AAMDC: variants seen among roughly 807,000 people sequenced by gnomAD.
AAMDC encodes mth938 domain-containing protein.
A neutral mutation model predicts 15.5 loss-of-function variants in AAMDC; 16 were observed. That is an observed-to-expected ratio of 1.03 (90% confidence interval 0.70 to 1.57). The LOEUF (loss-of-function observed/expected upper bound fraction) is 1.57. Ranked by LOEUF, AAMDC falls within the 40% of genes most tolerant of loss-of-function variation. The probability of loss-of-function intolerance (pLI) is 0.00; values close to 1 mark genes in which losing one functional copy is unlikely to be tolerated. For missense variants in AAMDC, 141 were observed against 144.9 expected (o/e 0.97, Z 0.14); for synonymous variants, 51 against 51.6 (o/e 0.99, Z 0.05).
At chr11:77,903,142 C>G (rs1460919899), downstream of AAMDC, among the ~76,000 whole-genome samples, 2 of 152,220 alleles carry the variant, frequency 1.3e-5, no homozygotes, top group Non-Finnish European at 2.9e-5. Flanking sequence ...CTCAGCAAAT[C>G]AGAGGAAGAC....
At chr11:77,838,176 G>A (rs1949771231) in intron 1 of AAMDC, among the ~76,000 whole-genome samples, 1 of 152,068 alleles carries the variant, frequency 6.6e-6, no homozygotes, top group Non-Finnish European at 1.5e-5. Context: ...ATTAAATATG[G>A]TTAAGGAGAC....
intron 1 of AAMDC, chr11:77,829,699 A>T (rs1049087928): frequency 2.0e-5 from 3 of 152,236 alleles, no homozygotes; most frequent in Non-Finnish European, 4.4e-5. Context: ...ATGGCAATGG[A>T]TTCTTAGAAA....
chr11:77,825,431 G>A (rs1056172737), intron 1 of AAMDC, among the ~76,000 whole-genome samples: 4 of 152,118 alleles, frequency 2.6e-5, no homozygotes, highest in East Asian at 1.9e-4. Flanking sequence ...AACAAGCTGC[G>A]CACGGTGGTT....
chr11:77,843,122 T>G (rs1950003265), intron 2 of AAMDC, among the ~76,000 whole-genome samples: 1 of 152,240 alleles, frequency 6.6e-6, no homozygotes, highest in Non-Finnish European at 1.5e-5. Flanking sequence ...TGCACCATTT[T>G]ACATCTCCAC....
At chr11:77,858,175 T>A (rs1950710204) in intron 2 of AAMDC, among the ~76,000 whole-genome samples, 1 of 146,088 alleles carries the variant, frequency 6.8e-6, no homozygotes, top group South Asian at 2.1e-4. Context: ...TGTGCCACCA[T>A]GCCTGGCTAA....
rs1257028118 is a variant in AAMDC, at chr11:77,872,157, T to C, written c.229-18T>C. ...GGGCCTTTCCCCCTACTTACTCATC[T>C]CTTTTCCACCTTCCCAGGTGCCTTC... On this transcript the variant is annotated intron_variant, in intron 3 of 3. Transcript: ENST00000393427. 2 of 1,608,106 alleles carry C rather than the reference T, an allele frequency of 1.2e-6. No individual in the cohort carries two copies. Among genetic ancestry groups the C allele is most frequent in the African/African-American group, 2.7e-5 (2 of 74,718 alleles).
At position 77,842,494 on chromosome 11, in the gene AAMDC, C is replaced by CTTA. The variant is rs768182464; in HGVS notation, c.-1_2dup. On this transcript the variant is annotated 5_prime_UTR_variant, in exon 2 of 4. Coordinates refer to ENST00000393427, the MANE Select transcript of AAMDC (RefSeq NM_024684.4). ...TTAATTTCAGACTTCAGTGAAGTTC[C>CTTA]TTATGACTTCCCCTGAAATTGCTTC... The CTTA allele has an allele frequency of 3.1e-6, 5 of 1,613,184 alleles. No individual in the cohort carries two copies. In the East Asian group the frequency reaches 1.1e-4, roughly 36 times the overall value.
chr11:77,839,217 C>A (rs1393905039), intron 1 of AAMDC, among the ~76,000 whole-genome samples: 1 of 152,088 alleles, frequency 6.6e-6, no homozygotes, highest in Non-Finnish European at 1.5e-5. Context: ...TTGCTCACTG[C>A]AGCCTCAAAC....
intron 5 of AAMDC, chr11:77,879,111 T>G: frequency 6.2e-7 from 1 of 1,614,132 alleles, no homozygotes; most frequent in Middle Eastern, 1.6e-4. Flanking sequence ...GCAGCCTCAC[T>G]TCCACCTGGC....
At chr11:77,897,591 C>T (rs1261040920) in intron 5 of AAMDC, among the ~76,000 whole-genome samples, 1 of 150,796 alleles carries the variant, frequency 6.6e-6, no homozygotes, top group Admixed American at 6.6e-5. Context: ...AGCTCCACCT[C>T]CTGGGTTCAT....
chr11:77,891,469 G>A (rs1952262301), intron 5 of AAMDC: 1 of 1,613,624 alleles, frequency 6.2e-7, no homozygotes, highest in Non-Finnish European at 8.5e-7. Flanking sequence ...GGATCTGTAA[G>A]CAAGAGGAAA....
At chr11:77,881,284 T>C (rs1951782536) in intron 5 of AAMDC, among the ~76,000 whole-genome samples, 1 of 152,190 alleles carries the variant, frequency 6.6e-6, no homozygotes, top group Non-Finnish European at 1.5e-5. Context: ...TGAAACATGG[T>C]CTATGACTGA....
intron 2 of AAMDC, among the ~76,000 whole-genome samples, chr11:77,868,176 C>T (rs1951209948): frequency 6.6e-6 from 1 of 151,466 alleles, no homozygotes; most frequent in Non-Finnish European, 1.5e-5. Flanking sequence ...CTGCCTCAGC[C>T]TCCCGAGTAG....
intron 1 of AAMDC, among the ~76,000 whole-genome samples, chr11:77,825,056 C>T (rs1949105406): frequency 2.0e-5 from 3 of 152,206 alleles, no homozygotes; most frequent in Admixed American, 6.5e-5. Context: ...TCTCAGCTCA[C>T]TGCATGCTCC....
At chr11:77,836,890 G>A (rs542442253) in intron 1 of AAMDC, among the ~76,000 whole-genome samples, 41 of 152,166 alleles carry the variant, frequency 2.7e-4, no homozygotes, top group African/African-American at 7.7e-4. Flanking sequence ...GCTTGAACCC[G>A]GGAGGCGGAG....
chr11:77,851,309 T>C (rs1460451520), intron 2 of AAMDC: 1 of 152,226 alleles, frequency 6.6e-6, no homozygotes, highest in Non-Finnish European at 1.5e-5. Flanking sequence ...GTCCCAAGAA[T>C]GTTCTCTATA....
At position 77,894,396 on chromosome 11, in the gene AAMDC, T is replaced by C. The variant is rs1386991684; in HGVS notation, c.329-6175T>C. On this transcript the variant is annotated intron_variant, in intron 5 of 5. Transcript: ENST00000304716. ...TAATTTGCTTGTGAAATCTGCAAAC[T>C]GAGGAGGACCAAAAGTCCCAGAAAC... 5 of 1,036,698 alleles carry C rather than the reference T, an allele frequency of 4.8e-6. No homozygotes were observed. The African/African-American group carries it at 8.1e-5, about 17-fold the overall frequency. The allele number at this position is 1,036,698 out of a possible 1,614,324, so 64.2% of individuals were successfully genotyped here.
Position 77,892,614 on chromosome 11 carries a change from G to A in AAMDC, c.329-7957G>A, listed in dbSNP as rs116382366. Among the ~76,000 whole-genome samples the A allele has an allele frequency of 4.4e-3, 673 of 152,124 alleles. 4 individuals carry two copies. The highest frequency in any genetic ancestry group is 0.015 in the African/African-American group (630 of 41,488). On this transcript the variant is annotated intron_variant, in intron 5 of 5. Transcript: ENST00000304716. ...AATTTTCTTTTTGAGAAGGAGTCTC[G>A]CACTATTGCCCGGGCTGGTGTGCAA... is the stretch of plus-strand genomic sequence containing the variant.
At chr11:77,870,638 AT>A (rs1207497928) in intron 3 of AAMDC, among the ~76,000 whole-genome samples, 1 of 151,996 alleles carries the variant, frequency 6.6e-6, no homozygotes, top group Admixed American at 6.6e-5. Flanking sequence ...TGCCTGGCTT[AT>A]TTTTTAATTT....
Sources: allele counts gnomAD v4.1 joint callset (sites outside exome capture counted in the v4.1 genomes callset), GRCh38; gene constraint gnomAD v4.1.1; transcripts MANE v1.5; gene names NCBI Gene and HGNC (gene_info 2026-07-23, HGNC 2026-07-21).